SNCAIP: variants seen among roughly 807,000 people sequenced by gnomAD.
SNCAIP encodes synuclein alpha interacting protein, also known as synphilin-1.
A neutral mutation model predicts 86.7 loss-of-function variants in SNCAIP; 43 were observed. That is an observed-to-expected ratio of 0.50 (90% confidence interval 0.39 to 0.64). The LOEUF is 0.64. SNCAIP is among the 30% of genes least tolerant of loss of function. The pLI, the probability that SNCAIP is intolerant of heterozygous loss-of-function variation, is 0.00. For missense variants in SNCAIP, 981 were observed against 1,103.1 expected, an observed-to-expected ratio of 0.89 and a Z score of 1.57; for synonymous variants, 417 against 427.2, an observed-to-expected ratio of 0.98 and a Z score of 0.29.
intron 3 of SNCAIP, among the ~76,000 whole-genome samples, chr5:122,404,990 C>T (rs1772667123): frequency 6.6e-6 from 1 of 152,198 alleles, no homozygotes; most frequent in Non-Finnish European, 1.5e-5. Flanking sequence ...CTTACCTTCA[C>T]TTGTTTTTTA....
chr5:122,422,801 C>A, intron 3 of SNCAIP, 67 bp from the exon 4 acceptor site: 1 of 1,315,024 alleles, frequency 7.6e-7, no homozygotes, highest in South Asian at 1.2e-5. Context: ...ACCACATCTA[C>A]CTGCATAGCC....
intron 1 of SNCAIP, among the ~76,000 whole-genome samples, chr5:122,314,496 G>A (rs1751300828): frequency 1.3e-5 from 2 of 152,202 alleles, no homozygotes; most frequent in South Asian, 4.1e-4. Context: ...AACCACATAG[G>A]AGAAATATGT....
chr5:122,383,311 C>T (rs1008000801), intron 1 of SNCAIP, among the ~76,000 whole-genome samples: 4 of 152,182 alleles, frequency 2.6e-5, no homozygotes, highest in African/African-American at 7.2e-5. Context: ...TTTCCAGGTG[C>T]GTCCGTCACC....
intron 1 of SNCAIP, among the ~76,000 whole-genome samples, chr5:122,357,397 A>G (rs935072473): frequency 2.5e-4 from 38 of 151,812 alleles, no homozygotes; most frequent in African/African-American, 8.2e-4. Context: ...CACCATGCCC[A>G]GCTAATTTTT....
At chr5:122,422,801 C>G (rs1776648147) in intron 3 of SNCAIP, 67 bp from the exon 4 acceptor site, 16 of 1,314,908 alleles carry the variant, frequency 1.2e-5, no homozygotes, top group Non-Finnish European at 1.8e-5. Context: ...ACCACATCTA[C>G]CTGCATAGCC....
At chr5:122,364,745 T>A (rs1762821536) in intron 1 of SNCAIP, among the ~76,000 whole-genome samples, 1 of 152,184 alleles carries the variant, frequency 6.6e-6, no homozygotes, top group African/African-American at 2.4e-5. Context: ...TTCTTTTTTT[T>A]ATATTTCAAT....
At chr5:122,425,630 G>C (rs1237990817) in intron 5 of SNCAIP, 99 bp downstream of exon 5, 4 of 983,330 alleles carry the variant, frequency 4.1e-6, no homozygotes. Context: ...AGAAGAGAGT[G>C]ATTTGTCAAG....
intron 10 of SNCAIP, among the ~76,000 whole-genome samples, chr5:122,461,488 C>T (rs749783692): frequency 5.3e-5 from 8 of 152,002 alleles, no homozygotes; most frequent in Non-Finnish European, 8.8e-5. Context: ...TGGACTGATC[C>T]TCAGATTTTC....
At chr5:122,347,866 A>G (rs192555819) in intron 1 of SNCAIP, among the ~76,000 whole-genome samples, 4 of 152,106 alleles carry the variant, frequency 2.6e-5, no homozygotes, top group Admixed American at 1.3e-4. Flanking sequence ...ATTCATTCTG[A>G]TTTTTCCCCT....
At chr5:122,380,835 A>G (rs901638294) in intron 1 of SNCAIP, among the ~76,000 whole-genome samples, 9 of 152,094 alleles carry the variant, frequency 5.9e-5, no homozygotes, top group Non-Finnish European at 8.8e-5. Flanking sequence ...TTCAGTTTCC[A>G]TGTAGTTGAG....
At chr5:122,372,878 T>G (rs1434708972) in intron 1 of SNCAIP, among the ~76,000 whole-genome samples, 2 of 152,064 alleles carry the variant, frequency 1.3e-5, no homozygotes, top group Non-Finnish European at 2.9e-5. Flanking sequence ...TTCCACCATC[T>G]TTTGTATTTC....
chr5:122,439,941 G>A (rs1581267957), intron 6 of SNCAIP, among the ~76,000 whole-genome samples: 2 of 152,140 alleles, frequency 1.3e-5, no homozygotes, highest in East Asian at 3.9e-4. Context: ...CTATGTCTTT[G>A]CTTTTGAAAG....
intron 1 of SNCAIP, among the ~76,000 whole-genome samples, chr5:122,352,060 A>G (rs1759971252): frequency 6.6e-6 from 1 of 152,218 alleles, no homozygotes; most frequent in African/African-American, 2.4e-5. Context: ...GTGTTTGTTA[A>G]TTATGTTATC....
intron 1 of SNCAIP, among the ~76,000 whole-genome samples, chr5:122,330,869 A>G (rs1296773903): frequency 6.6e-6 from 1 of 151,900 alleles, no homozygotes; most frequent in African/African-American, 2.4e-5. Context: ...ATGTAGAGTC[A>G]GTGGAAGCCC....
intron 5 of SNCAIP, among the ~76,000 whole-genome samples, chr5:122,429,487 A>T (rs1418439614): frequency 6.6e-6 from 1 of 150,720 alleles, no homozygotes; most frequent in East Asian, 1.9e-4. Flanking sequence ...GACCTACATT[A>T]CTAAAATCAG....
At chr5:122,357,663 T>C (rs978766683) in intron 1 of SNCAIP, among the ~76,000 whole-genome samples, 2 of 151,944 alleles carry the variant, frequency 1.3e-5, no homozygotes, top group African/African-American at 4.8e-5. Context: ...CCTGAAAGGA[T>C]TTTTTGTACT....
chr5:122,324,752 A>C (rs1753672423), intron 1 of SNCAIP, among the ~76,000 whole-genome samples: 1 of 152,270 alleles, frequency 6.6e-6, no homozygotes, highest in South Asian at 2.1e-4. Context: ...TGGTGATGGA[A>C]TTATAAGATG....
intron 1 of SNCAIP, among the ~76,000 whole-genome samples, chr5:122,316,222 C>T (rs1432915982): frequency 6.6e-6 from 1 of 152,146 alleles, no homozygotes; most frequent in Non-Finnish European, 1.5e-5. Context: ...CAGGGATTCC[C>T]TAAGATGTCA....
intron 10 of SNCAIP, among the ~76,000 whole-genome samples, chr5:122,460,647 A>G (rs1785965013): frequency 6.6e-6 from 1 of 152,190 alleles, no homozygotes; most frequent in East Asian, 1.9e-4. Context: ...AGTGTTAATT[A>G]TCATTATGGT....
Sources: allele counts gnomAD v4.1 joint callset (sites outside exome capture counted in the v4.1 genomes callset), GRCh38; gene constraint gnomAD v4.1.1; transcripts MANE v1.5; gene names NCBI Gene and HGNC (gene_info 2026-07-23, HGNC 2026-07-21).